CTCFL: variants seen among roughly 807,000 people sequenced by gnomAD.
CTCFL encodes the protein transcriptional repressor CTCFL.
CTCFL carries 36 observed loss-of-function variants against 67.4 expected under a neutral mutation model. That is an observed-to-expected ratio of 0.53 (90% CI 0.41 to 0.71). The LOEUF (loss-of-function observed/expected upper bound fraction) is 0.71, where lower values mean the gene tolerates loss of function less well. Among genes scored for constraint, CTCFL ranks in the 30% least tolerant of loss-of-function variants. The pLI is 0.00. For missense variants in CTCFL, 786 were observed against 835.2 expected (o/e 0.94, Z 0.73); for synonymous variants, 324 against 302.3 (o/e 1.07, Z -0.75).
chr20:57,523,919 T>G lies in CTCFL; in HGVS notation c.287A>C (p.Asp96Ala). ...CTGCTGTATGCTCAGCAAGCTCATA[T>G]CCTGCAACTCCACAGCTTCAGAAGT... is the stretch of plus-strand genomic sequence containing the variant. ...HFTSEAVELQ[D>A]MSLLSIQQQE... Residue 96 changes from aspartate to alanine, a missense_variant, in exon 2 of 11, where the codon GAT becomes GCT. Coordinates refer to ENST00000243914, the MANE Select transcript of CTCFL (RefSeq NM_001386993.1). The G allele has an allele frequency of 6.2e-7, 1 of 1,613,146 alleles. No homozygotes were observed. The highest frequency in any genetic ancestry group is 2.2e-5 in the East Asian group (1 of 44,878).
In CTCFL at chr20:57,497,530, T is replaced by G. The variant is rs959029592; in HGVS notation, c.*1020A>C. Reference sequence around the variant, plus strand: ...CTCAACTAAGCAATGAAGAAAAATCTGCCTCTGTATCCAGATAGAAATGAA... The same window carrying G: ...CTCAACTAAGCAATGAAGAAAAATCGGCCTCTGTATCCAGATAGAAATGAA... On this transcript the variant is annotated 3_prime_UTR_variant, in exon 11 of 11. Transcript: ENST00000243914. 8.2e-5 allele frequency: 81 copies of G among 985,320 alleles called. No individual in the cohort carries two copies. Among genetic ancestry groups the G allele is most frequent in the Non-Finnish European group, 9.8e-5 (81 of 829,920 alleles). The allele number at this position is 985,320 out of a possible 1,614,324, so 61.0% of individuals were successfully genotyped here.
rs139239388 is a variant in CTCFL at position 57,501,899 on chromosome 20, C to T, written c.1840+1537G>A. On this transcript the variant is annotated intron_variant, in intron 10 of 10. Transcript: ENST00000243914. ...AGGGCTCTGGGCACCTGGGCAGGCTCGTCCCCACCCTGTGATGGAGCTCTC... is the reference window on the plus strand; with the variant it reads ...AGGGCTCTGGGCACCTGGGCAGGCTTGTCCCCACCCTGTGATGGAGCTCTC... Among the ~76,000 whole-genome samples the T allele has an allele frequency of 4.9e-3, 746 of 152,324 alleles. 3 individuals are homozygous for T. The highest frequency in any genetic ancestry group is 7.4e-3 in the Non-Finnish European group (504 of 68,022).
Position 57,515,743 on chromosome 20 carries a change from T to C in CTCFL, c.1151A>G (p.Lys384Arg). 6 of 1,614,202 alleles carry C rather than the reference T, an allele frequency of 3.7e-6. No homozygotes were observed. Among genetic ancestry groups the C allele is most frequent in the Non-Finnish European group, 5.1e-6 (6 of 1,180,030 alleles). Residue 384 changes from lysine to arginine, a missense_variant, in exon 6 of 11, where the codon AAG (lysine) becomes AGG (arginine). Lys to Arg is a conservative substitution (Grantham distance 26). This residue lies in a region of CTCFL where 254 missense variants were observed against 333.9 expected (regional missense o/e 0.76). Coordinates refer to ENST00000243914, the MANE Select transcript of CTCFL (RefSeq NM_001386993.1). ...QCSYASRDTY[K>R]LKRHMRTHSG... The stretch of plus-strand genomic sequence containing the variant: ...GTGCGTTCTCATGTGGCGTTTCAGC[T>C]TGTAGGTATCTCTGCTGGCATAGCT...
intron 6 of CTCFL, chr20:57,515,092 T>G (rs886127497): frequency 1.7e-5 from 4 of 237,954 alleles, no homozygotes; most frequent in Non-Finnish European, 3.2e-5. Flanking sequence ...ACTTTATGTT[T>G]TGCCTTAAAG....
chr20:57,524,475 G>A, intron 1 of CTCFL: 1 of 1,281,780 alleles, frequency 7.8e-7, no homozygotes, highest in Non-Finnish European at 9.9e-7. Flanking sequence ...GCAGGCTTAG[G>A]GCCAGCACAC....
chr20:57,498,328 A>G lies in CTCFL; in HGVS notation c.*222T>C. 1 of 1,274,062 alleles carries G rather than the reference A, an allele frequency of 7.8e-7. No individual in the cohort carries two copies. The highest frequency in any genetic ancestry group is 2.4e-5 in the South Asian group (1 of 40,994). The allele number at this position is 1,274,062 out of a possible 1,614,324, so 78.9% of individuals were successfully genotyped here. ...CAGCTACAAACAGGAGAACAATTCT[A>G]GACACTACCTCAAACTTGTGTCATC... On this transcript the variant is annotated 3_prime_UTR_variant, in exon 11 of 11. Transcript: ENST00000243914.
chr20:57,513,823 T>A (rs1406938419), intron 7 of CTCFL: 1 of 1,288,636 alleles, frequency 7.8e-7, no homozygotes, highest in South Asian at 1.2e-5. Flanking sequence ...CACAGTGTCA[T>A]ATATTTTGGA....
intron 9 of CTCFL, among the ~76,000 whole-genome samples, chr20:57,505,301 G>A (rs970976355): frequency 6.6e-6 from 1 of 151,550 alleles, no homozygotes; most frequent in Non-Finnish European, 1.5e-5. Flanking sequence ...TTTCGTCTAG[G>A]CTGGAGTGCA....
In CTCFL at chr20:57,515,851, T is replaced by C. The variant is rs1201222323; in HGVS notation, c.1060-17A>G. On this transcript the variant is annotated splice_polypyrimidine_tract_variant and intron_variant, in intron 5 of 10. Coordinates refer to ENST00000243914, the MANE Select transcript of CTCFL (RefSeq NM_001386993.1). Reference sequence around the variant, plus strand: ...TTTACTTGCCTAATAAATACATAAATGATGTTCGTTGCAATAGAAACTAAA... The same window carrying C: ...TTTACTTGCCTAATAAATACATAAACGATGTTCGTTGCAATAGAAACTAAA... 1 of 1,598,462 alleles carries C rather than the reference T, an allele frequency of 6.3e-7. No individual in the cohort carries two copies. Among genetic ancestry groups the C allele is most frequent in the Non-Finnish European group, 8.5e-7 (1 of 1,171,970 alleles).
At chr20:57,504,255 C>T (rs570374294) in intron 9 of CTCFL, among the ~76,000 whole-genome samples, 4 of 147,340 alleles carry the variant, frequency 2.7e-5, no homozygotes, top group African/African-American at 7.5e-5. Context: ...GGATTACAGG[C>T]ATGAGCCACT....
chr20:57,524,732 G>C, intron 1 of CTCFL: 1 of 991,228 alleles, frequency 1.0e-6, no homozygotes, highest in Non-Finnish European at 1.2e-6. Flanking sequence ...CTCGTGCACG[G>C]TTCTAGACCT....
At chr20:57,500,923 C>T (rs1431280411) in intron 10 of CTCFL, among the ~76,000 whole-genome samples, 1 of 152,188 alleles carries the variant, frequency 6.6e-6, no homozygotes, top group Non-Finnish European at 1.5e-5. Context: ...GCACAAGTGT[C>T]CTTTAGGTGC....
chr20:57,497,440 A>C lies in CTCFL; in HGVS notation c.*1110T>G. The C allele has an allele frequency of 1.0e-6, 1 of 985,394 alleles. No homozygotes were observed. The highest frequency in any genetic ancestry group is 1.2e-6 in the Non-Finnish European group (1 of 829,932). 61.0% of individuals were successfully genotyped at this position (985,394 alleles called of 1,614,324 possible). ...AAAAGGTCCATATCTTAAGAATTTG[A>C]ATTTAGGGCTTATCAATGATCTTGA... On this transcript the variant is annotated 3_prime_UTR_variant, in exon 11 of 11. Coordinates refer to ENST00000243914, the MANE Select transcript of CTCFL (RefSeq NM_001386993.1).
chr20:57,503,209 C>G (rs2068007157), intron 10 of CTCFL, among the ~76,000 whole-genome samples: 1 of 152,240 alleles, frequency 6.6e-6, no homozygotes, highest in South Asian at 2.1e-4. Context: ...AAGAGGGCTC[C>G]TCGGGGTGGG....
intron 5 of CTCFL, 182 bp downstream of exon 5, chr20:57,518,576 A>G: frequency 2.7e-6 from 4 of 1,470,262 alleles, no homozygotes; most frequent in Non-Finnish European, 3.6e-6. Flanking sequence ...CAAAGAAACA[A>G]AGAAATCCAA....
chr20:57,500,776 T>C (rs913963099), intron 10 of CTCFL, among the ~76,000 whole-genome samples: 2 of 152,188 alleles, frequency 1.3e-5, no homozygotes, highest in African/African-American at 4.8e-5. Context: ...GGTGACATGT[T>C]CAAAATTCAC....
downstream of CTCFL, chr20:57,496,224 C>A: frequency 1.6e-6 from 1 of 619,664 alleles, no homozygotes; most frequent in Non-Finnish European, 2.9e-6. Context: ...AGGAGTGTGG[C>A]GCCTCCCCCT....
chr20:57,504,713 C>G (rs1568853856), intron 9 of CTCFL, among the ~76,000 whole-genome samples: 1 of 151,920 alleles, frequency 6.6e-6, no homozygotes, highest in Non-Finnish European at 1.5e-5. Context: ...TAAATTTGTT[C>G]TAATTTTGTT....
chr20:57,501,007 G>C (rs2067883673), intron 10 of CTCFL, among the ~76,000 whole-genome samples: 1 of 152,238 alleles, frequency 6.6e-6, no homozygotes, highest in Non-Finnish European at 1.5e-5. Flanking sequence ...GAGGTGGCCA[G>C]TAGCCCGGCC....
Sources: allele counts gnomAD v4.1 joint callset (sites outside exome capture counted in the v4.1 genomes callset), GRCh38; gene constraint gnomAD v4.1.1; regional missense constraint gnomAD v4.1.1; transcripts MANE v1.5; gene names NCBI Gene and HGNC (gene_info 2026-07-23, HGNC 2026-07-21).